The following DLG1 variants were observed in gnomAD, a reference collection of about 807,000 sequenced individuals.
The protein encoded by DLG1 is discs large MAGUK scaffold protein 1.
DLG1 carries 42 observed loss-of-function variants against 123.4 expected under a neutral mutation model. The observed-to-expected ratio is 0.34, with a 90% CI of 0.27 to 0.44. The LOEUF (loss-of-function observed/expected upper bound fraction) is 0.44. Ranked by LOEUF, DLG1 falls within the 20% of genes least tolerant of loss-of-function variation. DLG1 has a pLI of 1.00. For synonymous variants in DLG1, 317 were observed against 356.2 expected (o/e 0.89, Z 1.24); for missense variants, 942 against 1,082.6 (o/e 0.87, Z 1.82).
intron 14 of DLG1, among the ~76,000 whole-genome samples, chr3:197,098,162 A>T (rs995070222): frequency 2.6e-5 from 4 of 152,158 alleles, no homozygotes; most frequent in Non-Finnish European, 5.9e-5. Flanking sequence ...CCGAGTTCCT[A>T]GTTTCCCTTC....
Position 197,219,022 on chromosome 3 carries a change from C to A in DLG1, c.319-24433G>T, listed in dbSNP as rs547309108. ...GTGCATGACTGTAATCCCAGCTACTCCGGAAGGCTGAGGCAGGAGAATCGC... is the reference window on the plus strand; with the variant it reads ...GTGCATGACTGTAATCCCAGCTACTACGGAAGGCTGAGGCAGGAGAATCGC... On this transcript the variant is annotated intron_variant, in intron 4 of 24. Coordinates refer to ENST00000667157, the MANE Select transcript of DLG1 (RefSeq NM_001366207.1). Among the ~76,000 whole-genome samples the A allele has an allele frequency of 5.3e-5, 8 of 152,064 alleles. No homozygotes were observed. The East Asian group carries it at 1.5e-3, about 29-fold the overall frequency.
chr3:197,139,269 G>T (rs959050847), intron 8 of DLG1, among the ~76,000 whole-genome samples: 1 of 152,076 alleles, frequency 6.6e-6, no homozygotes, highest in Admixed American at 6.6e-5. Flanking sequence ...GTCCTGACAA[G>T]CTTCTATATC....
intron 5 of DLG1, among the ~76,000 whole-genome samples, chr3:197,166,665 G>A (rs1421961391): frequency 6.6e-6 from 1 of 152,096 alleles, no homozygotes; most frequent in Non-Finnish European, 1.5e-5. Context: ...GGAGGTGGGC[G>A]GATCATCTGA....
intron 5 of DLG1, among the ~76,000 whole-genome samples, chr3:197,190,739 G>A (rs893957097): frequency 6.6e-6 from 1 of 152,178 alleles, no homozygotes; most frequent in African/African-American, 2.4e-5. Context: ...GGCCGGGCGC[G>A]GTGGCTCCCG....
chr3:197,238,918 A>C (rs966844976), intron 4 of DLG1, among the ~76,000 whole-genome samples: 7 of 152,186 alleles, frequency 4.6e-5, no homozygotes, highest in African/African-American at 1.4e-4. Context: ...CTAAAACTTA[A>C]GGAACTAGTA....
At chr3:197,202,703 A>C (rs1017610108) in intron 4 of DLG1, among the ~76,000 whole-genome samples, 7 of 152,230 alleles carry the variant, frequency 4.6e-5, no homozygotes, top group African/African-American at 1.7e-4. Context: ...AATATGCTAA[A>C]AACAAAACAA....
chr3:197,261,586 C>T (rs1759482776), intron 4 of DLG1, among the ~76,000 whole-genome samples: 1 of 152,154 alleles, frequency 6.6e-6, no homozygotes, highest in African/African-American at 2.4e-5. Flanking sequence ...CTGAACTGTT[C>T]CTACTTGCCT....
chr3:197,059,929 T>C lies in DLG1; in HGVS notation c.2443A>G (p.Ile815Val), dbSNP rs779280165. Reference sequence around the variant, plus strand: ...GATTTGGGTTTAATAAAAATGGAGATAGGGTAAAGCTGTGCAATCTGTAAT... The same window carrying C: ...GATTTGGGTTTAATAAAAATGGAGACAGGGTAAAGCTGTGCAATCTGTAAT... ...KRLQIAQLYPISIFIKPKSME... is the reference protein window; with the variant it reads ...KRLQIAQLYPVSIFIKPKSME... The change falls in exon 23 of 25, where the codon ATC becomes GTC. Residue 815 changes from isoleucine to valine, a missense_variant. Coordinates refer to ENST00000667157, the MANE Select transcript of DLG1 (RefSeq NM_001366207.1). 1.5e-5 allele frequency: 24 copies of C among 1,613,538 alleles called. No homozygotes were observed. In the South Asian group the frequency reaches 1.6e-4, roughly 11 times the overall value.
intron 5 of DLG1, among the ~76,000 whole-genome samples, chr3:197,189,798 G>C (rs908251394): frequency 3.3e-5 from 5 of 152,136 alleles, no homozygotes; most frequent in Non-Finnish European, 5.9e-5. Context: ...AACAAAACGT[G>C]TCAGGAAAGG....
At chr3:197,144,892 T>C (rs1789928777) in intron 6 of DLG1, among the ~76,000 whole-genome samples, 1 of 152,184 alleles carries the variant, frequency 6.6e-6, no homozygotes, top group African/African-American at 2.4e-5. Flanking sequence ...TCATAGCTCG[T>C]TGCAGCCTCA....
intron 23 of DLG1, among the ~76,000 whole-genome samples, chr3:197,057,947 C>T (rs946532652): frequency 2.0e-5 from 3 of 151,772 alleles, no homozygotes; most frequent in African/African-American, 7.3e-5. Context: ...TCTGCTCTGC[C>T]ATATTTTTTA....
chr3:197,129,193 ATTG>A (rs1001035144), intron 11 of DLG1, among the ~76,000 whole-genome samples: 1 of 152,194 alleles, frequency 6.6e-6, no homozygotes, highest in African/African-American at 2.4e-5. Flanking sequence ...ACATTGAAAA[ATTG>A]TTGTTTGGTG....
intron 4 of DLG1, chr3:197,226,047 AT>A (rs1331109145): frequency 6.6e-6 from 1 of 152,592 alleles, no homozygotes; most frequent in Non-Finnish European, 1.5e-5. Flanking sequence ...TGTCTTGAAC[AT>A]TTAATCTAGA....
At chr3:197,169,349 G>A (rs902560831) in intron 5 of DLG1, among the ~76,000 whole-genome samples, 6 of 152,192 alleles carry the variant, frequency 3.9e-5, no homozygotes, top group Non-Finnish European at 1.5e-5. Context: ...GGAGTTTACT[G>A]TAATAATCCA....
intron 13 of DLG1, among the ~76,000 whole-genome samples, chr3:197,105,756 A>G (rs1766000803): frequency 6.6e-6 from 1 of 152,192 alleles, no homozygotes; most frequent in Admixed American, 6.5e-5. Flanking sequence ...TTCCTTTTCC[A>G]CAATAAGACA....
chr3:197,227,669 C>A (rs987152475), intron 4 of DLG1, among the ~76,000 whole-genome samples: 1 of 152,146 alleles, frequency 6.6e-6, no homozygotes, highest in Non-Finnish European at 1.5e-5. Flanking sequence ...TACCACCAAC[C>A]ATAACTCTAA....
At chr3:197,061,139 A>T (rs1735479324) in intron 22 of DLG1, among the ~76,000 whole-genome samples, 2 of 152,228 alleles carry the variant, frequency 1.3e-5, no homozygotes, top group African/African-American at 4.8e-5. Flanking sequence ...ACTTGAGTCC[A>T]AGTCAATACA....
chr3:197,248,246 C>T (rs190400736), intron 4 of DLG1, among the ~76,000 whole-genome samples: 43 of 152,286 alleles, frequency 2.8e-4, no homozygotes, highest in African/African-American at 9.9e-4. Context: ...CAAGGAAATA[C>T]TTCACTGCCC....
chr3:197,047,759 T>C (rs894467499), intron 24 of DLG1, among the ~76,000 whole-genome samples: 1 of 152,076 alleles, frequency 6.6e-6, no homozygotes, highest in Non-Finnish European at 1.5e-5. Flanking sequence ...CCTTATCTTA[T>C]ACAAAATTAA....
Sources: gnomAD v4.1 joint callset for allele counts (sites outside exome capture counted in the v4.1 genomes callset) on GRCh38, gnomAD v4.1.1 for gene constraint, MANE v1.5 for transcripts, NCBI Gene and HGNC (gene_info 2026-07-23, HGNC 2026-07-21) for gene names.